The following AGBL1 variants were observed in gnomAD, a reference collection of about 807,000 sequenced individuals.
AGBL1 encodes AGBL carboxypeptidase 1, also known as cytosolic carboxypeptidase 4.
AGBL1 carries 130 observed loss-of-function variants against 118.9 expected under a neutral mutation model. The observed-to-expected ratio is 1.09, with a 90% CI of 0.95 to 1.26. AGBL1 has a LOEUF of 1.26. AGBL1 is among the 50% of genes most tolerant of loss of function. AGBL1 has a pLI of 0.00. For synonymous variants in AGBL1, 555 were observed against 478.9 expected (o/e 1.16, Z -2.08); for missense variants, 1,584 against 1,298.1 (o/e 1.22, Z -3.38).
At chr15:86,544,566 G>C (rs556453228) in intron 19 of AGBL1, among the ~76,000 whole-genome samples, 1 of 152,282 alleles carries the variant, frequency 6.6e-6, no homozygotes, top group East Asian at 1.9e-4. Context: ...GAGGGGCAAA[G>C]TCACATCTTA....
At chr15:86,667,971 C>CAGGG (rs1172828614) in intron 21 of AGBL1, among the ~76,000 whole-genome samples, 2 of 152,208 alleles carry the variant, frequency 1.3e-5, no homozygotes, top group Admixed American at 6.5e-5. Flanking sequence ...GGTGAGGCCT[C>CAGGG]AGGGAGCTTT....
chr15:86,807,543 T>C (rs1394236767), intron 22 of AGBL1, among the ~76,000 whole-genome samples: 1 of 152,070 alleles, frequency 6.6e-6, no homozygotes, highest in Non-Finnish European at 1.5e-5. Flanking sequence ...CCTGTTTTAA[T>C]ATTACTACTT....
intron 22 of AGBL1, among the ~76,000 whole-genome samples, chr15:86,734,312 G>T (rs1402059418): frequency 1.3e-5 from 2 of 152,072 alleles, no homozygotes; most frequent in Non-Finnish European, 2.9e-5. Flanking sequence ...ATTCCAATAA[G>T]AAAAATGGCT....
chr15:86,379,776 A>C (rs2081087504), intron 17 of AGBL1, among the ~76,000 whole-genome samples: 1 of 152,274 alleles, frequency 6.6e-6, no homozygotes, highest in Non-Finnish European at 1.5e-5. Context: ...AGTGATCTCA[A>C]CACAGCTTAT....
At chr15:86,369,697 A>G (rs1159970328) in intron 17 of AGBL1, among the ~76,000 whole-genome samples, 1 of 152,178 alleles carries the variant, frequency 6.6e-6, no homozygotes, top group East Asian at 1.9e-4. Context: ...CCCTCAGAGA[A>G]GGTTTGCAGA....
intron 21 of AGBL1, among the ~76,000 whole-genome samples, chr15:86,669,269 A>T (rs1323438122): frequency 6.6e-6 from 1 of 152,192 alleles, no homozygotes; most frequent in Non-Finnish European, 1.5e-5. Context: ...TATGTTTTTC[A>T]GAAATGGTTT....
intron 23 of AGBL1, among the ~76,000 whole-genome samples, chr15:86,985,411 CTTT>C (rs1194249835): frequency 6.6e-6 from 1 of 152,136 alleles, no homozygotes; most frequent in African/African-American, 2.4e-5. Flanking sequence ...CATCGTCAGC[CTTT>C]TTAATTTTAG....
At chr15:86,124,320 ACT>A (rs1300889161) in intron 1 of AGBL1, among the ~76,000 whole-genome samples, 1 of 129,676 alleles carries the variant, frequency 7.7e-6, no homozygotes, top group Non-Finnish European at 1.6e-5. Context: ...CCAGAGTGAG[ACT>A]CTGTCTCAAA....
intron 22 of AGBL1, among the ~76,000 whole-genome samples, chr15:86,704,567 T>C (rs538967675): frequency 7.1e-4 from 108 of 152,212 alleles, no homozygotes; most frequent in African/African-American, 2.6e-3. Flanking sequence ...GAAACGCAAA[T>C]CAAAACCACA....
At chr15:86,188,117 T>C (rs2077662027) in intron 5 of AGBL1, among the ~76,000 whole-genome samples, 1 of 152,210 alleles carries the variant, frequency 6.6e-6, no homozygotes, top group Non-Finnish European at 1.5e-5. Context: ...ACAGTTATCA[T>C]ATTGTTTCTG....
chr15:86,322,868 A>G (rs1423287619), intron 17 of AGBL1, among the ~76,000 whole-genome samples: 2 of 151,880 alleles, frequency 1.3e-5, no homozygotes, highest in East Asian at 3.9e-4. Flanking sequence ...TTTTCTTGCC[A>G]CTCCCTTTGC....
intron 6 of AGBL1, among the ~76,000 whole-genome samples, chr15:86,234,191 G>A (rs1447198742): frequency 2.6e-5 from 4 of 152,030 alleles, no homozygotes; most frequent in Admixed American, 2.0e-4. Context: ...AAGTGCTCAA[G>A]GTGGCTTGGT....
At chr15:87,009,354 A>G (rs59872914) in intron 24 of AGBL1, among the ~76,000 whole-genome samples, 15,052 of 152,248 alleles carry the variant, frequency 0.099, 1,323 homozygotes, top group African/African-American at 0.23. Flanking sequence ...TGAGCCTGTG[A>G]GTACACAGAA....
At chr15:86,830,379 A>C (rs920769835) in intron 22 of AGBL1, among the ~76,000 whole-genome samples, 1 of 152,118 alleles carries the variant, frequency 6.6e-6, no homozygotes, top group African/African-American at 2.4e-5. Flanking sequence ...TTTAAAAAAA[A>C]CAATCATAGT....
At chr15:86,820,325 C>T (rs935437619) in intron 22 of AGBL1, among the ~76,000 whole-genome samples, 2 of 152,106 alleles carry the variant, frequency 1.3e-5, no homozygotes, top group African/African-American at 2.4e-5. Flanking sequence ...TTCTGCACAG[C>T]AAAAGAAACT....
intron 15 of AGBL1, among the ~76,000 whole-genome samples, chr15:86,277,051 T>A (rs2141708445): frequency 6.6e-6 from 1 of 152,322 alleles, no homozygotes; most frequent in East Asian, 1.9e-4. Flanking sequence ...TGCCTGACAT[T>A]TGCTTTAGGT....
chr15:86,185,441 A>G (rs1337013637), intron 5 of AGBL1, among the ~76,000 whole-genome samples: 2 of 152,198 alleles, frequency 1.3e-5, no homozygotes, highest in African/African-American at 4.8e-5. Context: ...ATGCTGCTAT[A>G]AAGACACATG....
intron 21 of AGBL1, among the ~76,000 whole-genome samples, chr15:86,621,985 A>T (rs1390765844): frequency 2.0e-5 from 3 of 152,184 alleles, no homozygotes; most frequent in Non-Finnish European, 1.5e-5. Flanking sequence ...ATTAGAAACC[A>T]GCTTCCCTCT....
intron 17 of AGBL1, among the ~76,000 whole-genome samples, chr15:86,324,966 G>A (rs2080164232): frequency 6.6e-6 from 1 of 152,180 alleles, no homozygotes; most frequent in East Asian, 1.9e-4. Context: ...AGGGTGACTG[G>A]ACAAGGGAGA....
Sources: gnomAD v4.1 joint callset for allele counts (sites outside exome capture counted in the v4.1 genomes callset) on GRCh38, gnomAD v4.1.1 for gene constraint, MANE v1.5 for transcripts, NCBI Gene and HGNC (gene_info 2026-07-23, HGNC 2026-07-21) for gene names.